CGNL1: variants seen among roughly 807,000 people sequenced by gnomAD.
CGNL1 encodes cingulin like 1, also known as cingulin-like protein 1.
Under a neutral mutation model 141.2 loss-of-function variants are expected in CGNL1, and 132 were observed. The observed-to-expected ratio is 0.93, with a 90% CI of 0.81 to 1.08. CGNL1 has a LOEUF of 1.08. Among genes scored for constraint, CGNL1 ranks in the 50% least tolerant of loss-of-function variants. CGNL1 has a pLI of 0.00. For synonymous variants in CGNL1, 690 were observed against 622.1 expected (o/e 1.11, Z -1.63); for missense variants, 1,870 against 1,588.6 (o/e 1.18, Z -3.01).
intron 14 of CGNL1, among the ~76,000 whole-genome samples, chr15:57,538,573 T>A (rs2140217181): frequency 6.6e-6 from 1 of 152,306 alleles, no homozygotes; most frequent in East Asian, 1.9e-4. Flanking sequence ...CCATGCTAAG[T>A]GCTGCTCTGC....
intron 1 of CGNL1, among the ~76,000 whole-genome samples, chr15:57,398,846 A>C (rs1256690957): frequency 6.6e-6 from 1 of 152,208 alleles, no homozygotes; most frequent in South Asian, 2.1e-4. Flanking sequence ...AATTGCCCCA[A>C]AGTTTCCTCC....
intron 8 of CGNL1, among the ~76,000 whole-genome samples, chr15:57,469,183 G>A (rs1595736912): frequency 1.3e-5 from 2 of 152,026 alleles, no homozygotes; most frequent in East Asian, 3.9e-4. Context: ...GCTGACTGAG[G>A]AGACCCCGCA....
At chr15:57,443,845 T>C (rs372449164) in intron 4 of CGNL1, among the ~76,000 whole-genome samples, 1 of 152,216 alleles carries the variant, frequency 6.6e-6, no homozygotes, top group Non-Finnish European at 1.5e-5. Context: ...CGGGTTGGAA[T>C]CTCACCGGCT....
intron 2 of CGNL1, 45 bp from the exon 3 acceptor site, chr15:57,440,332 T>C: frequency 7.0e-7 from 1 of 1,435,788 alleles, no homozygotes; most frequent in Non-Finnish European, 9.6e-7. Context: ...TGGAAGCCTC[T>C]GGGAACTTCA....
chr15:57,544,523 C>G lies in CGNL1; in HGVS notation c.3426C>G (p.Ser1142=). ...RIIHLEGSYR[S]SKEGLVVQME... ...TCCACCTGGAAGGTTCCTACAGGTC[C>G]AGCAAAGAGGGGCTGGTTGTGCAGA... Residue 1142 remains serine (S), a synonymous_variant, in exon 16 of 19, where the codon TCC becomes TCG. Transcript: ENST00000281282. 6.2e-7 allele frequency: 1 copy of G among 1,613,218 alleles called. No individual in the cohort carries two copies. The highest frequency in any genetic ancestry group is 8.5e-7 in the Non-Finnish European group (1 of 1,179,718).
chr15:57,420,166 G>C (rs1366235829), intron 1 of CGNL1, among the ~76,000 whole-genome samples: 1 of 152,026 alleles, frequency 6.6e-6, no homozygotes, highest in Non-Finnish European at 1.5e-5. Context: ...TCCTGCCCTA[G>C]TCTTAGAAGA....
intron 1 of CGNL1, among the ~76,000 whole-genome samples, chr15:57,427,602 C>G (rs1225649113): frequency 6.6e-6 from 1 of 152,244 alleles, no homozygotes; most frequent in African/African-American, 2.4e-5. Flanking sequence ...CTAATTTTCC[C>G]TGATTGGATC....
intron 6 of CGNL1, among the ~76,000 whole-genome samples, chr15:57,452,692 T>C (rs1420997262): frequency 7.2e-6 from 1 of 138,830 alleles, no homozygotes; most frequent in Non-Finnish European, 1.6e-5. Flanking sequence ...TCGATGGTGC[T>C]GGTGTTTGTG....
At chr15:57,507,676 G>A (rs1297364663) in intron 8 of CGNL1, among the ~76,000 whole-genome samples, 1 of 152,208 alleles carries the variant, frequency 6.6e-6, no homozygotes, top group African/African-American at 2.4e-5. Context: ...ATGACCATAA[G>A]GAGAGAATGG....
chr15:57,508,492 T>G (rs28729859), intron 8 of CGNL1, among the ~76,000 whole-genome samples: 2,657 of 152,366 alleles, frequency 0.017, 82 homozygotes, highest in African/African-American at 0.06. Flanking sequence ...CTTTTTTGAT[T>G]TTCTGATCTG....
chr15:57,537,094 T>A (rs1195314246), intron 14 of CGNL1, among the ~76,000 whole-genome samples: 2 of 152,242 alleles, frequency 1.3e-5, no homozygotes, highest in African/African-American at 4.8e-5. Flanking sequence ...TAAGCACTGC[T>A]GCAAATGCTT....
chr15:57,397,200 AGGTGAT>A (rs1266926434), intron 1 of CGNL1: 1 of 152,298 alleles, frequency 6.6e-6, no homozygotes, highest in Non-Finnish European at 1.5e-5. Flanking sequence ...GGAAGTGAAC[AGGTGAT>A]GGTAGGCTGA....
chr15:57,395,554 G>A (rs2062592989), intron 1 of CGNL1, among the ~76,000 whole-genome samples: 1 of 152,226 alleles, frequency 6.6e-6, no homozygotes, highest in African/African-American at 2.4e-5. Flanking sequence ...CAGGAACTGG[G>A]CATGGTGTAT....
chr15:57,392,243 TAAAG>T (rs2062551966), intron 1 of CGNL1, among the ~76,000 whole-genome samples: 1 of 152,102 alleles, frequency 6.6e-6, no homozygotes, highest in African/African-American at 2.4e-5. Flanking sequence ...TGGGAGATAT[TAAAG>T]AGAGGAAACC....
chr15:57,434,485 G>C (rs1255540423), intron 1 of CGNL1, among the ~76,000 whole-genome samples: 3 of 152,038 alleles, frequency 2.0e-5, no homozygotes, highest in African/African-American at 7.2e-5. Context: ...TAGAACTAAA[G>C]ACATGAATTT....
intron 8 of CGNL1, among the ~76,000 whole-genome samples, chr15:57,490,772 G>T (rs549805991): frequency 6.6e-6 from 1 of 152,250 alleles, no homozygotes; most frequent in Admixed American, 6.5e-5. Flanking sequence ...GTGGACTGGG[G>T]AGTCAGTAGA....
chr15:57,450,543 C>G (rs2063310182), intron 4 of CGNL1, among the ~76,000 whole-genome samples: 1 of 152,200 alleles, frequency 6.6e-6, no homozygotes, highest in Non-Finnish European at 1.5e-5. Flanking sequence ...TCCCAAAGTA[C>G]TGGGATTACT....
intron 14 of CGNL1, among the ~76,000 whole-genome samples, chr15:57,534,762 T>A (rs1444111594): frequency 6.6e-6 from 1 of 152,264 alleles, no homozygotes; most frequent in Non-Finnish European, 1.5e-5. Flanking sequence ...GCTTGTTATC[T>A]TGAACCCAAG....
At chr15:57,385,369 G>A (rs1424873701) in intron 1 of CGNL1, among the ~76,000 whole-genome samples, 3 of 152,178 alleles carry the variant, frequency 2.0e-5, no homozygotes, top group African/African-American at 7.2e-5. Context: ...CCCTGTCCCT[G>A]CTAAAAATAC....
Sources: allele counts gnomAD v4.1 joint callset (sites outside exome capture counted in the v4.1 genomes callset), GRCh38; gene constraint gnomAD v4.1.1; transcripts MANE v1.5; gene names NCBI Gene and HGNC (gene_info 2026-07-23, HGNC 2026-07-21).